The following MTHFD2L variants were observed in gnomAD, a reference collection of about 807,000 sequenced individuals.
The protein encoded by MTHFD2L is bifunctional methylenetetrahydrofolate dehydrogenase/cyclohydrolase 2, mitochondrial.
In MTHFD2L, 29 loss-of-function variants were observed where a neutral mutation model predicts 34.9. That is an observed-to-expected ratio of 0.83 (90% CI 0.62 to 1.13). The LOEUF is 1.13. Among genes scored for constraint, MTHFD2L ranks in the 50% most tolerant of loss-of-function variants. The pLI is 0.00. For missense variants in MTHFD2L, 481 were observed against 446.5 expected, an observed-to-expected ratio of 1.08 and a Z score of -0.70; for synonymous variants, 167 against 155.7, an observed-to-expected ratio of 1.07 and a Z score of -0.54.
intron 5 of MTHFD2L, among the ~76,000 whole-genome samples, chr4:74,206,619 G>C (rs1037624493): frequency 6.6e-6 from 1 of 151,996 alleles, no homozygotes; most frequent in Non-Finnish European, 1.5e-5. Context: ...AGTTGAAAAT[G>C]CATTTTGAAG....
At chr4:74,287,391 G>A (rs746741409) in intron 7 of MTHFD2L, among the ~76,000 whole-genome samples, 6 of 151,904 alleles carry the variant, frequency 3.9e-5, no homozygotes, top group Non-Finnish European at 8.8e-5. Flanking sequence ...TTCCTTTTAA[G>A]TATTATACTT....
intron 1 of MTHFD2L, among the ~76,000 whole-genome samples, chr4:74,140,152 A>C (rs1469828156): frequency 3.3e-5 from 5 of 152,082 alleles, no homozygotes; most frequent in Non-Finnish European, 7.4e-5. Context: ...AATTAAAAAA[A>C]AAAATAGCTG....
At chr4:74,115,230 C>G (rs114233572) in intron 2 of MTHFD2L, among the ~76,000 whole-genome samples, 1 of 152,092 alleles carries the variant, frequency 6.6e-6, no homozygotes, top group Non-Finnish European at 1.5e-5. Context: ...GGAGAGACTG[C>G]GACAGAAATT....
intron 6 of MTHFD2L, among the ~76,000 whole-genome samples, chr4:74,261,460 C>G (rs1013573783): frequency 6.6e-6 from 1 of 151,812 alleles, no homozygotes; most frequent in Non-Finnish European, 1.5e-5. Context: ...AATATATAAT[C>G]AAAGGGAAAA....
intron 1 of MTHFD2L, among the ~76,000 whole-genome samples, chr4:74,129,855 G>A (rs915890313): frequency 6.6e-6 from 1 of 151,688 alleles, no homozygotes; most frequent in Non-Finnish European, 1.5e-5. Context: ...TAATAAAGAA[G>A]AAAAGAAAGA....
intron 6 of MTHFD2L, among the ~76,000 whole-genome samples, chr4:74,243,869 G>A (rs999319844): frequency 1.8e-4 from 27 of 152,134 alleles, no homozygotes; most frequent in African/African-American, 6.5e-4. Context: ...TATAATAGTG[G>A]GCTCTGTGAA....
chr4:74,162,041 A>G (rs1049966666), intron 1 of MTHFD2L: 5 of 152,214 alleles, frequency 3.3e-5, no homozygotes, highest in African/African-American at 1.2e-4. Context: ...AACATTTTAC[A>G]TACAATGTAG....
intron 6 of MTHFD2L, among the ~76,000 whole-genome samples, chr4:74,259,332 T>C (rs552246234): frequency 6.6e-5 from 10 of 152,170 alleles, no homozygotes; most frequent in Non-Finnish European, 5.9e-5. Context: ...GTCAATCATG[T>C]TGGGTCTAAT....
chr4:74,136,265 G>A (rs147559643), intron 1 of MTHFD2L, among the ~76,000 whole-genome samples: 2 of 152,028 alleles, frequency 1.3e-5, no homozygotes, highest in East Asian at 3.9e-4. Context: ...AACTCATACA[G>A]GAATTTAGTA....
At chr4:74,184,573 C>T (rs568770776) in intron 3 of MTHFD2L, among the ~76,000 whole-genome samples, 1 of 151,952 alleles carries the variant, frequency 6.6e-6, no homozygotes, top group Non-Finnish European at 1.5e-5. Flanking sequence ...AAAATTATAG[C>T]CATGTTTCAA....
At chr4:74,250,263 AAG>A (rs1743115630) in intron 6 of MTHFD2L, among the ~76,000 whole-genome samples, 1 of 152,212 alleles carries the variant, frequency 6.6e-6, no homozygotes, top group African/African-American at 2.4e-5. Flanking sequence ...TGAAACAAAA[AAG>A]TTTGAAAATC....
At chr4:74,210,304 A>G (rs1255332320) in intron 5 of MTHFD2L, among the ~76,000 whole-genome samples, 1 of 152,176 alleles carries the variant, frequency 6.6e-6, no homozygotes, top group Non-Finnish European at 1.5e-5. Flanking sequence ...GTTTTCTTCT[A>G]TGGCTTTTAT....
chr4:74,125,052 A>G (rs574553212), upstream of MTHFD2L, among the ~76,000 whole-genome samples: 14 of 152,198 alleles, frequency 9.2e-5, no homozygotes, highest in East Asian at 2.7e-3. Flanking sequence ...TCATTTTTTG[A>G]TATAAGCAAA....
chr4:74,164,080 T>G (rs752926417), intron 1 of MTHFD2L, among the ~76,000 whole-genome samples: 2 of 152,180 alleles, frequency 1.3e-5, no homozygotes. Context: ...TTTCACCGTG[T>G]TAGCCAGGAT....
intron 6 of MTHFD2L, among the ~76,000 whole-genome samples, chr4:74,253,305 T>C (rs948188727): frequency 6.6e-6 from 1 of 152,084 alleles, no homozygotes; most frequent in Non-Finnish European, 1.5e-5. Context: ...ATATTTGGGG[T>C]GACATCTGCA....
chr4:74,230,130 T>C (rs935494395), intron 6 of MTHFD2L, among the ~76,000 whole-genome samples: 2 of 152,208 alleles, frequency 1.3e-5, no homozygotes, highest in African/African-American at 4.8e-5. Flanking sequence ...TTGTTGGATT[T>C]ACACACTGTA....
At chr4:74,162,401 G>C (rs1026572192) in intron 1 of MTHFD2L, 37 of 152,038 alleles carry the variant, frequency 2.4e-4, no homozygotes, top group Admixed American at 2.0e-3. Context: ...CTATAATTAG[G>C]CTCATTAGAG....
rs146475373 is a variant in MTHFD2L, at chr4:74,221,131, C to T, written c.713-4171C>T. ...TCCTTATGAAGGATCTTTTTTTTTCCGATTTTGTCAATAATTATAATTTTA... is the reference window on the plus strand; with the variant it reads ...TCCTTATGAAGGATCTTTTTTTTTCTGATTTTGTCAATAATTATAATTTTA... On this transcript the variant is annotated intron_variant, in intron 5 of 7. Coordinates refer to ENST00000325278, the MANE Select transcript of MTHFD2L (RefSeq NM_001144978.3). Among the ~76,000 whole-genome samples the T allele has an allele frequency of 8.7e-5, 13 of 149,214 alleles. No individual in the cohort carries two copies. The East Asian group carries it at 1.4e-3, about 16-fold the overall frequency.
chr4:74,227,401 T>G (rs1014027327), intron 6 of MTHFD2L, among the ~76,000 whole-genome samples: 3 of 151,054 alleles, frequency 2.0e-5, no homozygotes, highest in African/African-American at 7.4e-5. Flanking sequence ...CTGTAAAAAT[T>G]ATTTCATTAC....
Sources: allele counts gnomAD v4.1 joint callset (sites outside exome capture counted in the v4.1 genomes callset), GRCh38; gene constraint gnomAD v4.1.1; transcripts MANE v1.5; gene names NCBI Gene and HGNC (gene_info 2026-07-23, HGNC 2026-07-21).